The following ZMYND11 variants were observed in gnomAD, a reference collection of about 807,000 sequenced individuals.
ZMYND11 encodes the protein zinc finger MYND-type containing 11.
A neutral mutation model predicts 84.9 loss-of-function variants in ZMYND11; 9 were observed. The observed-to-expected ratio is 0.11, with a 90% CI of 0.06 to 0.18. The LOEUF is 0.18. ZMYND11 is among the 10% of genes least tolerant of loss of function. ZMYND11 has a pLI of 1.00. For missense variants in ZMYND11, 409 were observed against 761.0 expected (o/e 0.54, Z 5.44); for synonymous variants, 250 against 244.1 (o/e 1.02, Z -0.23).
At chr10:178,964 A>G (rs1277949058) in intron 1 of ZMYND11, among the ~76,000 whole-genome samples, 1 of 152,194 alleles carries the variant, frequency 6.6e-6, no homozygotes, top group Non-Finnish European at 1.5e-5. Context: ...GGAACACAGC[A>G]AAGTGCTTCC....
chr10:195,046 A>AT (rs1379155078), intron 2 of ZMYND11, among the ~76,000 whole-genome samples: 1 of 152,174 alleles, frequency 6.6e-6, no homozygotes, highest in Admixed American at 6.5e-5. Flanking sequence ...TTGCCAATAG[A>AT]TTTTTTATGA....
intron 4 of ZMYND11, among the ~76,000 whole-genome samples, chr10:233,557 G>T (rs11599450): frequency 6.6e-6 from 1 of 151,906 alleles, no homozygotes; most frequent in Non-Finnish European, 1.5e-5. Context: ...GACATTCCTG[G>T]GGTAGTTATG....
At chr10:249,537 C>T (rs909562494) in intron 14 of ZMYND11, 3 of 984,768 alleles carry the variant, frequency 3.0e-6, no homozygotes, top group Non-Finnish European at 3.6e-6. Context: ...AAATCAGTTA[C>T]TTTTACTTTA....
At chr10:248,639 C>T (rs1267406866) in intron 13 of ZMYND11, 31 bp downstream of exon 13, 1 of 1,565,596 alleles carries the variant, frequency 6.4e-7, no homozygotes, top group Non-Finnish European at 8.6e-7. Flanking sequence ...GGGTGCCCTG[C>T]TGCAGCCGGC....
chr10:167,334 G>A (rs185535385), intron 1 of ZMYND11, among the ~76,000 whole-genome samples: 73 of 152,212 alleles, frequency 4.8e-4, no homozygotes, highest in African/African-American at 1.7e-3. Context: ...TGAATTGTAT[G>A]TGAATTATAC....
intron 3 of ZMYND11, among the ~76,000 whole-genome samples, chr10:215,983 T>C (rs1302916441): frequency 1.3e-5 from 2 of 152,172 alleles, no homozygotes; most frequent in Non-Finnish European, 2.9e-5. Context: ...GATTAACCTA[T>C]TGGGGATAAA....
At chr10:234,336 A>G (rs946530720) in intron 4 of ZMYND11, among the ~76,000 whole-genome samples, 1 of 152,188 alleles carries the variant, frequency 6.6e-6, no homozygotes, top group Non-Finnish European at 1.5e-5. Context: ...CTCCTCTCCC[A>G]CTGTCACTAC....
At chr10:156,118 A>G (rs768362112) in intron 1 of ZMYND11, among the ~76,000 whole-genome samples, 6 of 152,328 alleles carry the variant, frequency 3.9e-5, no homozygotes, top group Non-Finnish European at 2.9e-5. Flanking sequence ...CTTGGAGGAT[A>G]CTATGGGTTT....
intron 1 of ZMYND11, among the ~76,000 whole-genome samples, chr10:150,787 T>G (rs529289066): frequency 6.6e-6 from 1 of 152,314 alleles, no homozygotes; most frequent in South Asian, 2.1e-4. Flanking sequence ...GACTGCCTCC[T>G]CAAGTGGGTC....
At chr10:246,690 T>G (rs549524764) in intron 10 of ZMYND11, 76 bp from the exon 11 acceptor site, 347 of 1,373,152 alleles carry the variant, frequency 2.5e-4, no homozygotes, top group East Asian at 7.9e-4. Context: ...GCAGGCAGGG[T>G]CCACTGAAGC....
chr10:156,475 G>A (rs1469983631), intron 1 of ZMYND11, among the ~76,000 whole-genome samples: 3 of 152,068 alleles, frequency 2.0e-5, no homozygotes, highest in Non-Finnish European at 2.9e-5. Flanking sequence ...CTGTATTTTG[G>A]TGTTTTATTT....
intron 1 of ZMYND11, among the ~76,000 whole-genome samples, chr10:149,500 C>T (rs372970950): frequency 4.2e-4 from 64 of 151,816 alleles, no homozygotes; most frequent in East Asian, 1.4e-3. Flanking sequence ...TTAGTAGAGA[C>T]GGGGTTTCAC....
intron 4 of ZMYND11, among the ~76,000 whole-genome samples, chr10:233,562 G>C (rs1048857508): frequency 1.3e-5 from 2 of 152,230 alleles, no homozygotes; most frequent in African/African-American, 4.8e-5. Context: ...TCCTGGGGTA[G>C]TTATGAAGGT....
chr10:245,195 G>A (rs1318517934), intron 10 of ZMYND11, among the ~76,000 whole-genome samples: 1 of 152,194 alleles, frequency 6.6e-6, no homozygotes, highest in Non-Finnish European at 1.5e-5. Context: ...TATGCCAGAT[G>A]AGACATAGTT....
intron 6 of ZMYND11, among the ~76,000 whole-genome samples, chr10:238,863 C>A (rs1309301974): frequency 6.6e-6 from 1 of 152,178 alleles, no homozygotes; most frequent in Admixed American, 6.5e-5. Flanking sequence ...CCTTCTTCCC[C>A]ACTGCCTTTA....
At chr10:216,804 T>C (rs1172666055) in intron 3 of ZMYND11, among the ~76,000 whole-genome samples, 3 of 152,170 alleles carry the variant, frequency 2.0e-5, no homozygotes, top group African/African-American at 7.2e-5. Flanking sequence ...TGTGTGTGTA[T>C]ATGTTTGTTT....
chr10:165,886 T>C (rs781815165), intron 1 of ZMYND11, among the ~76,000 whole-genome samples: 5 of 152,118 alleles, frequency 3.3e-5, no homozygotes, highest in African/African-American at 1.2e-4. Context: ...AATATAGATA[T>C]GTAGTCTAGT....
chr10:248,322 G>C lies in ZMYND11; in HGVS notation c.1228-14G>C, dbSNP rs1208481979. 6.2e-7 allele frequency: 1 copy of C among 1,610,188 alleles called. No individual in the cohort carries two copies. The highest frequency in any genetic ancestry group is 8.5e-7 in the Non-Finnish European group (1 of 1,177,642). On this transcript the variant is annotated splice_polypyrimidine_tract_variant and intron_variant, in intron 12 of 14. Transcript: ENST00000381604. ...GGCTTCGTTTGGCGTCTAAACTCTTGTCTCACCTTTTAGGAACCAGAGCCT... is the reference window on the plus strand; with the variant it reads ...GGCTTCGTTTGGCGTCTAAACTCTTCTCTCACCTTTTAGGAACCAGAGCCT...
At chr10:226,610 G>A (rs967548918) in intron 4 of ZMYND11, among the ~76,000 whole-genome samples, 1 of 152,178 alleles carries the variant, frequency 6.6e-6, no homozygotes, top group South Asian at 2.1e-4. Flanking sequence ...AGAATTTAGG[G>A]CTTTAAATTT....
Sources: allele counts gnomAD v4.1 joint callset (sites outside exome capture counted in the v4.1 genomes callset), GRCh38; gene constraint gnomAD v4.1.1; transcripts MANE v1.5; gene names NCBI Gene and HGNC (gene_info 2026-07-23, HGNC 2026-07-21).